PKNOX2: variants seen among roughly 807,000 people sequenced by gnomAD.
The protein encoded by PKNOX2 is homeobox protein PKNOX2.
Under a neutral mutation model 53.1 loss-of-function variants are expected in PKNOX2, and 14 were observed. The ratio of observed to expected loss-of-function variants is 0.26; its 90% CI spans 0.17 to 0.41. The LOEUF (loss-of-function observed/expected upper bound fraction) is 0.41. Ranked by LOEUF, PKNOX2 falls within the 10% of genes least tolerant of loss-of-function variation. PKNOX2 has a pLI of 1.00. For missense variants in PKNOX2, 496 were observed against 602.8 expected (o/e 0.82, Z 1.85); for synonymous variants, 257 against 242.8 (o/e 1.06, Z -0.54).
chr11:125,179,583 C>T (rs926354842), intron 1 of PKNOX2, among the ~76,000 whole-genome samples: 2 of 151,968 alleles, frequency 1.3e-5, no homozygotes, highest in Non-Finnish European at 1.5e-5. Flanking sequence ...GGCAGAGTGG[C>T]GGGTCAGGCG....
chr11:125,421,900 C>T (rs992647174), intron 10 of PKNOX2, among the ~76,000 whole-genome samples: 3 of 152,150 alleles, frequency 2.0e-5, no homozygotes, highest in East Asian at 1.9e-4. Flanking sequence ...GGCTGGAAAG[C>T]GCTGGTGTAG....
chr11:125,242,454 A>T (rs1420677214), intron 2 of PKNOX2, among the ~76,000 whole-genome samples: 1 of 152,070 alleles, frequency 6.6e-6, no homozygotes, highest in Non-Finnish European at 1.5e-5. Flanking sequence ...ATGTTCTAGG[A>T]TGCCTGCATG....
At chr11:125,324,062 A>G (rs1949686390) in intron 2 of PKNOX2, among the ~76,000 whole-genome samples, 1 of 152,190 alleles carries the variant, frequency 6.6e-6, no homozygotes, top group South Asian at 2.1e-4. Flanking sequence ...GGCTTTTCCT[A>G]GATTCTTTGT....
intron 2 of PKNOX2, among the ~76,000 whole-genome samples, chr11:125,272,509 C>A (rs1945867247): frequency 6.6e-6 from 1 of 152,186 alleles, no homozygotes; most frequent in Admixed American, 6.5e-5. Flanking sequence ...AAGCTCAGAT[C>A]TTGATTTTGT....
chr11:125,410,996 G>A (rs1344866993), intron 9 of PKNOX2, 120 bp downstream of exon 9: 7 of 800,670 alleles, frequency 8.7e-6, no homozygotes, highest in South Asian at 8.2e-5. Flanking sequence ...CCTCTAAGAG[G>A]TATCATTACC....
chr11:125,222,741 GTGTC>G (rs1438449314), intron 1 of PKNOX2, among the ~76,000 whole-genome samples: 4 of 149,854 alleles, frequency 2.7e-5, no homozygotes, highest in Admixed American at 2.0e-4. Context: ...GTGTGTGTCT[GTGTC>G]TGTGTGCCTG....
intron 2 of PKNOX2, among the ~76,000 whole-genome samples, chr11:125,326,416 T>C (rs763121606): frequency 9.2e-5 from 14 of 152,112 alleles, no homozygotes; most frequent in Non-Finnish European, 2.1e-4. Flanking sequence ...AGGTTCAGAT[T>C]TGAAAGTAGT....
intron 7 of PKNOX2, among the ~76,000 whole-genome samples, chr11:125,402,558 G>A (rs1176971714): frequency 1.3e-5 from 2 of 152,148 alleles, no homozygotes; most frequent in Non-Finnish European, 2.9e-5. Flanking sequence ...TCTGTGCTAG[G>A]TCCTGTGAGA....
rs1023452056 is a variant in PKNOX2, at chr11:125,165,294, C to G, written c.-201+518C>G. Among the ~76,000 whole-genome samples, 2 of 152,078 alleles carry G rather than the reference C, an allele frequency of 1.3e-5. No homozygotes were observed. Among genetic ancestry groups the G allele is most frequent in the Non-Finnish European group, 2.9e-5 (2 of 67,998 alleles). ...GGCGGGGAGCTGTGCGCCAGGAGCG[C>G]CAGGGGACCCGAGAATAGGAACAGG... On this transcript the variant is annotated intron_variant, in intron 1 of 12. Coordinates refer to ENST00000298282, the MANE Select transcript of PKNOX2 (RefSeq NM_001382323.2). The surrounding 1 kb of genome is among the most constrained non-coding windows in gnomAD (Gnocchi z 4.5).
At chr11:125,200,171 C>T (rs1268522091) in intron 1 of PKNOX2, among the ~76,000 whole-genome samples, 3 of 152,184 alleles carry the variant, frequency 2.0e-5, no homozygotes, top group Admixed American at 6.5e-5. Flanking sequence ...GAGCAGGGAC[C>T]AGAGGGCCCC....
At chr11:125,179,602 T>C (rs1956039878) in intron 1 of PKNOX2, among the ~76,000 whole-genome samples, 1 of 151,946 alleles carries the variant, frequency 6.6e-6, no homozygotes, top group Non-Finnish European at 1.5e-5. Context: ...CGCGAGTCAC[T>C]GAGCTGTGCC....
chr11:125,380,663 T>C (rs1181823407), intron 5 of PKNOX2, among the ~76,000 whole-genome samples: 2 of 152,172 alleles, frequency 1.3e-5, no homozygotes, highest in African/African-American at 4.8e-5. Context: ...TGAAAAACCA[T>C]TTTGTAGTGG....
At chr11:125,174,962 C>T (rs895218547) in intron 1 of PKNOX2, among the ~76,000 whole-genome samples, 3 of 152,100 alleles carry the variant, frequency 2.0e-5, no homozygotes, top group African/African-American at 7.2e-5. Flanking sequence ...TGGAGGAAAG[C>T]CAAGGAGCTC....
At chr11:125,405,210 C>T (rs1407619793) in intron 7 of PKNOX2, among the ~76,000 whole-genome samples, 2 of 152,238 alleles carry the variant, frequency 1.3e-5, no homozygotes, top group East Asian at 1.9e-4. Flanking sequence ...CAGGCCATCC[C>T]GTTCATTCCC....
chr11:125,193,885 G>A (rs1271755335), intron 1 of PKNOX2, among the ~76,000 whole-genome samples: 1 of 152,214 alleles, frequency 6.6e-6, no homozygotes, highest in Non-Finnish European at 1.5e-5. Context: ...AGCTTTCCAA[G>A]CCTCAGTTTC....
chr11:125,175,451 G>A (rs1370393727), intron 1 of PKNOX2, among the ~76,000 whole-genome samples: 1 of 152,190 alleles, frequency 6.6e-6, no homozygotes, highest in African/African-American at 2.4e-5. Flanking sequence ...GCAGAAGAAG[G>A]ATGTTCCCTG....
At chr11:125,232,942 C>T (rs1312647422) in intron 1 of PKNOX2, among the ~76,000 whole-genome samples, 1 of 150,222 alleles carries the variant, frequency 6.7e-6, no homozygotes, top group Admixed American at 6.7e-5. Context: ...ATATATATTC[C>T]TGTCAAATCT....
At chr11:125,175,080 C>A (rs1340979658) in intron 1 of PKNOX2, among the ~76,000 whole-genome samples, 3 of 152,188 alleles carry the variant, frequency 2.0e-5, no homozygotes, top group African/African-American at 7.2e-5. Context: ...ATGAGAGCCT[C>A]TTAATGGCAG....
At chr11:125,267,518 C>T (rs1945449448) in intron 2 of PKNOX2, among the ~76,000 whole-genome samples, 1 of 152,222 alleles carries the variant, frequency 6.6e-6, no homozygotes, top group African/African-American at 2.4e-5. Context: ...TTCTGCTCTC[C>T]AGGCCTTAAG....
Sources: allele counts gnomAD v4.1 joint callset (sites outside exome capture counted in the v4.1 genomes callset), GRCh38; gene constraint gnomAD v4.1.1; non-coding constraint Gnocchi (gnomAD v3.1); transcripts MANE v1.5; gene names NCBI Gene and HGNC (gene_info 2026-07-23, HGNC 2026-07-21).